ERBIN: variants seen among roughly 807,000 people sequenced by gnomAD.
ERBIN encodes the protein erbb2 interacting protein.
A neutral mutation model predicts 158.4 loss-of-function variants in ERBIN; 60 were observed. That is an observed-to-expected ratio of 0.38 (90% CI 0.31 to 0.47). The LOEUF is 0.47. Among genes scored for constraint, ERBIN ranks in the 20% least tolerant of loss-of-function variants. The pLI is 0.99. For synonymous variants in ERBIN, 594 were observed against 557.2 expected, an observed-to-expected ratio of 1.07 and a Z score of -0.93; for missense variants, 1,610 against 1,648.0, an observed-to-expected ratio of 0.98 and a Z score of 0.40.
At chr5:65,936,772 T>C (rs947800496) in intron 1 of ERBIN, among the ~76,000 whole-genome samples, 1 of 152,184 alleles carries the variant, frequency 6.6e-6, no homozygotes, top group Admixed American at 6.5e-5. Context: ...AATTCAAACA[T>C]AGAAATATAG....
intron 8 of ERBIN, 24 bp downstream of exon 8, chr5:66,021,409 T>G: frequency 6.7e-7 from 1 of 1,486,052 alleles, no homozygotes. Flanking sequence ...AGTCTCACTT[T>G]CCCTAAGTTC....
chr5:66,072,363 A>G (rs1175929688), intron 22 of ERBIN, 72 bp downstream of exon 22: 11 of 1,453,406 alleles, frequency 7.6e-6, no homozygotes, highest in South Asian at 1.4e-5. Context: ...ACTAGATATT[A>G]TATGTGCTTT....
intron 4 of ERBIN, among the ~76,000 whole-genome samples, chr5:66,002,277 A>G (rs1753086499): frequency 6.6e-6 from 1 of 152,184 alleles, no homozygotes; most frequent in East Asian, 1.9e-4. Context: ...AATAAACATA[A>G]TGTGTGCATG....
chr5:65,940,344 C>T (rs1485105698), intron 1 of ERBIN, among the ~76,000 whole-genome samples: 9 of 145,132 alleles, frequency 6.2e-5, no homozygotes, highest in East Asian at 4.2e-4. Context: ...GGAGCCCCTC[C>T]GCCCGGCAGC....
chr5:65,941,795 C>T (rs910841744), intron 1 of ERBIN, among the ~76,000 whole-genome samples: 2 of 151,928 alleles, frequency 1.3e-5, no homozygotes, highest in Non-Finnish European at 2.9e-5. Flanking sequence ...GGCTGGAGTG[C>T]AGTGGCACGA....
chr5:66,047,152 G>A (rs971521760), intron 18 of ERBIN, among the ~76,000 whole-genome samples: 5 of 151,944 alleles, frequency 3.3e-5, no homozygotes, highest in Non-Finnish European at 7.4e-5. Flanking sequence ...TTGGCCCTAG[G>A]CAACCAAAAA....
At chr5:65,967,372 CTATT>C (rs778193909) in intron 1 of ERBIN, among the ~76,000 whole-genome samples, 6 of 152,084 alleles carry the variant, frequency 3.9e-5, no homozygotes, top group Non-Finnish European at 1.5e-5. Flanking sequence ...CCTGCAAGCT[CTATT>C]TATAATAGGT....
At chr5:66,062,393 C>T (rs1000680804) in intron 21 of ERBIN, among the ~76,000 whole-genome samples, 21 of 152,232 alleles carry the variant, frequency 1.4e-4, no homozygotes, top group Admixed American at 3.9e-4. Flanking sequence ...TCAGCTCCAT[C>T]GGGTCCTTTA....
chr5:66,057,967 C>T (rs1239577905), intron 21 of ERBIN, among the ~76,000 whole-genome samples: 2 of 151,798 alleles, frequency 1.3e-5, no homozygotes, highest in African/African-American at 2.4e-5. Context: ...CAAGTCTTTG[C>T]TATTGTGAAG....
At chr5:65,976,214 C>T (rs376700193) in intron 1 of ERBIN, among the ~76,000 whole-genome samples, 16 of 152,186 alleles carry the variant, frequency 1.1e-4, no homozygotes, top group African/African-American at 3.4e-4. Flanking sequence ...TGGCTTACAC[C>T]TATAATCCCA....
chr5:66,072,418 G>T lies in ERBIN; in HGVS notation c.3756+127G>T. 7.6e-6 allele frequency: 7 copies of T among 917,222 alleles called. No individual in the cohort carries two copies. The South Asian group carries it at 7.7e-5, about 10-fold the overall frequency. 56.8% of individuals were successfully genotyped at this position (917,222 alleles called of 1,614,324 possible). A position where few individuals can be genotyped will look rare whatever the true frequency, so the allele number is the denominator to read the frequency against. On this transcript the variant is annotated intron_variant, in intron 22 of 25. Transcript: ENST00000284037. Reference sequence around the variant, plus strand: ...AGGGCTTTCCCCCCTTTATTAGTAAGGATTTTTAAAATATCAGAAATACAA... The same window carrying T: ...AGGGCTTTCCCCCCTTTATTAGTAATGATTTTTAAAATATCAGAAATACAA...
At chr5:65,948,027 T>A (rs998546308) in intron 1 of ERBIN, among the ~76,000 whole-genome samples, 4 of 138,310 alleles carry the variant, frequency 2.9e-5, no homozygotes, top group Admixed American at 7.2e-5. Context: ...AAAAAAAAAA[T>A]CTTAAATAAT....
chr5:66,012,164 A>G (rs377372545), intron 5 of ERBIN, 37 bp downstream of exon 5: 4 of 1,373,600 alleles, frequency 2.9e-6, no homozygotes, highest in Non-Finnish European at 4.0e-6. Context: ...ACTTTTGTGA[A>G]TAAAACAATT....
At chr5:65,964,272 G>A (rs760879376) in intron 1 of ERBIN, among the ~76,000 whole-genome samples, 180 of 152,344 alleles carry the variant, frequency 1.2e-3, no homozygotes, top group Middle Eastern at 3.4e-3. Flanking sequence ...AATTGAACGT[G>A]TGTGTCATTA....
intron 15 of ERBIN, among the ~76,000 whole-genome samples, chr5:66,040,810 A>C (rs981278720): frequency 1.3e-5 from 2 of 151,494 alleles, no homozygotes; most frequent in African/African-American, 4.8e-5. Context: ...AAAGGCAAAA[A>C]TTCTTGCCTT....
intron 5 of ERBIN, among the ~76,000 whole-genome samples, chr5:66,013,215 A>C (rs556935546): frequency 4.6e-5 from 7 of 152,348 alleles, no homozygotes; most frequent in African/African-American, 1.2e-4. Flanking sequence ...AGAGTAGATA[A>C]GACAGATTTC....
chr5:66,029,065 A>T (rs1329015672), intron 14 of ERBIN, among the ~76,000 whole-genome samples: 1 of 152,080 alleles, frequency 6.6e-6, no homozygotes, highest in Admixed American at 6.6e-5. Context: ...TCATCCATTC[A>T]TGGGCTCTTA....
At chr5:66,024,801 A>G (rs907480489) in intron 10 of ERBIN, among the ~76,000 whole-genome samples, 16 of 152,142 alleles carry the variant, frequency 1.1e-4, no homozygotes, top group African/African-American at 2.9e-4. Flanking sequence ...AAAACAGATC[A>G]GTTGAACAGA....
At chr5:66,004,626 A>G (rs898610271) in intron 4 of ERBIN, among the ~76,000 whole-genome samples, 10 of 152,092 alleles carry the variant, frequency 6.6e-5, no homozygotes, top group African/African-American at 2.2e-4. Flanking sequence ...TGGCCTCGAA[A>G]TTGTGACCTC....
Sources: gnomAD v4.1 joint callset for allele counts (sites outside exome capture counted in the v4.1 genomes callset) on GRCh38, gnomAD v4.1.1 for gene constraint, MANE v1.5 for transcripts, NCBI Gene and HGNC (gene_info 2026-07-23, HGNC 2026-07-21) for gene names.